Variants in ZMAT4 observed in about 807,000 individuals in gnomAD.
ZMAT4 encodes the protein zinc finger matrin-type 4.
Under a neutral mutation model 28.7 loss-of-function variants are expected in ZMAT4, and 17 were observed. The observed-to-expected ratio is 0.59, with a 90% CI of 0.41 to 0.89. The LOEUF (loss-of-function observed/expected upper bound fraction) is 0.89, where lower values mean the gene tolerates loss of function less well. Ranked by LOEUF, ZMAT4 falls within the 40% of genes least tolerant of loss-of-function variation. The probability of loss-of-function intolerance (pLI) is 0.00; values close to 1 mark genes in which losing one functional copy is unlikely to be tolerated. For synonymous variants in ZMAT4, 117 were observed against 109.2 expected (o/e 1.07, Z -0.44); for missense variants, 240 against 283.8 (o/e 0.85, Z 1.11).
At chr8:40,851,358 A>T (rs1272489203) in intron 1 of ZMAT4, among the ~76,000 whole-genome samples, 1 of 152,154 alleles carries the variant, frequency 6.6e-6, no homozygotes, top group Non-Finnish European at 1.5e-5. Flanking sequence ...ACAAAAAAAA[A>T]CTTAACTATA....
chr8:40,719,282 T>C (rs994893991), intron 3 of ZMAT4, among the ~76,000 whole-genome samples: 21 of 151,884 alleles, frequency 1.4e-4, no homozygotes, highest in Non-Finnish European at 2.9e-5. Context: ...CTACTAAAAA[T>C]ACACAAAAAA....
At chr8:40,778,644 C>T (rs2150570095) in intron 2 of ZMAT4, among the ~76,000 whole-genome samples, 1 of 152,320 alleles carries the variant, frequency 6.6e-6, no homozygotes, top group East Asian at 1.9e-4. Flanking sequence ...ATTATTCCAC[C>T]AGTATTTGTT....
intron 5 of ZMAT4, among the ~76,000 whole-genome samples, chr8:40,641,228 C>T (rs1337662380): frequency 6.6e-6 from 1 of 152,150 alleles, no homozygotes; most frequent in Non-Finnish European, 1.5e-5. Context: ...AGCAAAGGTG[C>T]TAACTGGGCA....
intron 5 of ZMAT4, among the ~76,000 whole-genome samples, chr8:40,615,982 A>C (rs544103540): frequency 6.6e-6 from 1 of 152,300 alleles, no homozygotes; most frequent in African/African-American, 2.4e-5. Context: ...TTTGCAATCT[A>C]CTCATCTGAA....
intron 2 of ZMAT4, among the ~76,000 whole-genome samples, chr8:40,820,544 TTG>T (rs774233550): frequency 1.5e-5 from 2 of 134,334 alleles, no homozygotes; most frequent in Admixed American, 1.5e-4. Flanking sequence ...ATGTGTGCAT[TTG>T]TGTGTGTATG....
chr8:40,838,148 A>G (rs2150624007), intron 1 of ZMAT4, among the ~76,000 whole-genome samples: 1 of 152,262 alleles, frequency 6.6e-6, no homozygotes, highest in Non-Finnish European at 1.5e-5. Flanking sequence ...TCATCACTCC[A>G]CCGCTTAATG....
chr8:40,600,025 G>A (rs990358029), intron 5 of ZMAT4, among the ~76,000 whole-genome samples: 5 of 152,132 alleles, frequency 3.3e-5, no homozygotes, highest in Non-Finnish European at 7.3e-5. Flanking sequence ...GTCCCTGTTC[G>A]AACTAAAAAC....
intron 5 of ZMAT4, among the ~76,000 whole-genome samples, chr8:40,658,633 C>CACACACACACAA (rs1808042106): frequency 1.3e-5 from 2 of 150,322 alleles, no homozygotes; most frequent in African/African-American, 4.9e-5. Context: ...CACACACACA[C>CACACACACACAA]ACACACACAC....
chr8:40,714,551 G>C (rs1319334491), intron 3 of ZMAT4, among the ~76,000 whole-genome samples: 1 of 152,184 alleles, frequency 6.6e-6, no homozygotes, highest in Non-Finnish European at 1.5e-5. Context: ...TCTTAAAGCA[G>C]CTTTTTATGG....
chr8:40,786,935 A>C (rs943604157), intron 2 of ZMAT4, among the ~76,000 whole-genome samples: 1 of 152,238 alleles, frequency 6.6e-6, no homozygotes, highest in Non-Finnish European at 1.5e-5. Context: ...TCTGTCTCTG[A>C]ATATAAAGAT....
intron 4 of ZMAT4, among the ~76,000 whole-genome samples, chr8:40,676,338 A>C (rs751308046): frequency 2.1e-4 from 32 of 152,194 alleles, no homozygotes; most frequent in African/African-American, 7.2e-4. Flanking sequence ...TTTGGAAAAA[A>C]TATTCCGATC....
At chr8:40,707,223 C>T (rs2150504108) in intron 3 of ZMAT4, among the ~76,000 whole-genome samples, 1 of 56,136 alleles carries the variant, frequency 1.8e-5, no homozygotes, top group South Asian at 7.6e-4. Context: ...TGCCCCCCCA[C>T]CCCCCCACCC....
intron 3 of ZMAT4, among the ~76,000 whole-genome samples, chr8:40,735,995 G>A (rs1461519971): frequency 6.6e-6 from 1 of 152,150 alleles, no homozygotes; most frequent in East Asian, 1.9e-4. Flanking sequence ...ATCCAAGATG[G>A]ATTATTTAGG....
At chr8:40,597,781 T>C (rs1448462400) in intron 5 of ZMAT4, among the ~76,000 whole-genome samples, 3 of 152,202 alleles carry the variant, frequency 2.0e-5, no homozygotes, top group Non-Finnish European at 2.9e-5. Flanking sequence ...TGAAATTATA[T>C]AAACATTAAA....
Position 40,720,237 on chromosome 8 carries a change from A to G in ZMAT4, c.193-22836T>C, listed in dbSNP as rs117948746. 2.3e-3 allele frequency among the ~76,000 whole-genome samples: 346 copies of G among 152,278 alleles called. 2 individuals carry two copies. The highest frequency in any genetic ancestry group is 3.3e-3 in the Non-Finnish European group (223 of 68,026). On this transcript the variant is annotated intron_variant, in intron 3 of 6. Coordinates refer to ENST00000297737, the MANE Select transcript of ZMAT4 (RefSeq NM_024645.3). Reference sequence around the variant, plus strand: ...ATTCAGGTGATTGTTGTCACTATTGATCTTATTAACCAGCACTATTATTGA... The same window carrying G: ...ATTCAGGTGATTGTTGTCACTATTGGTCTTATTAACCAGCACTATTATTGA...
chr8:40,542,097 G>C (rs140108992), intron 6 of ZMAT4, among the ~76,000 whole-genome samples: 284 of 152,286 alleles, frequency 1.9e-3, no homozygotes, highest in African/African-American at 6.5e-3. Context: ...GGAGGGGAGG[G>C]AAGGACTGGG....
chr8:40,891,785 C>A (rs13262013), intron 1 of ZMAT4, among the ~76,000 whole-genome samples: 2 of 152,288 alleles, frequency 1.3e-5, no homozygotes, highest in East Asian at 3.9e-4. Context: ...GGAAGGGTCG[C>A]GCCTCCCCAC....
chr8:40,575,015 G>A (rs748617575), intron 6 of ZMAT4, among the ~76,000 whole-genome samples: 1 of 152,190 alleles, frequency 6.6e-6, no homozygotes, highest in Non-Finnish European at 1.5e-5. Flanking sequence ...CTGGGGAGCT[G>A]ATAGCCACTG....
rs559657368 is a variant in ZMAT4 at position 40,580,211 on chromosome 8, A to G, written c.674+954T>C. Among the ~76,000 whole-genome samples the G allele has an allele frequency of 1.8e-3, 280 of 151,834 alleles. 2 individuals are homozygous for G. The highest frequency in any genetic ancestry group is 0.016 in the South Asian group (75 of 4,796). ...GTATTTTTAGTAGAGACGGGGTTTCACCGTGTTGGCCAGGATGGTCTCTAT... is the reference window on the plus strand; with the variant it reads ...GTATTTTTAGTAGAGACGGGGTTTCGCCGTGTTGGCCAGGATGGTCTCTAT... On this transcript the variant is annotated intron_variant, in intron 6 of 6. Transcript: ENST00000297737.
Sources: gnomAD v4.1 joint callset for allele counts (sites outside exome capture counted in the v4.1 genomes callset) on GRCh38, gnomAD v4.1.1 for gene constraint, MANE v1.5 for transcripts, NCBI Gene and HGNC (gene_info 2026-07-23, HGNC 2026-07-21) for gene names.